Variants in CDYL observed in about 807,000 individuals in gnomAD.
CDYL encodes the protein chromodomain Y-like protein.
In CDYL, 8 loss-of-function variants were observed where a neutral mutation model predicts 47.3. The observed-to-expected ratio is 0.17, with a 90% CI of 0.10 to 0.31. CDYL has a LOEUF of 0.31. Among genes scored for constraint, CDYL ranks in the 10% least tolerant of loss-of-function variants. The pLI is 1.00. For synonymous variants in CDYL, 266 were observed against 265.0 expected (o/e 1.00, Z -0.04); for missense variants, 471 against 701.4 (o/e 0.67, Z 3.71).
chr6:4,720,425 G>A (rs1465122536), intron 2 of CDYL, among the ~76,000 whole-genome samples: 2 of 152,104 alleles, frequency 1.3e-5, no homozygotes, highest in Non-Finnish European at 2.9e-5. Context: ...AATGTTTGTT[G>A]AAATGAATTA....
At chr6:4,819,162 C>CTCTCTCTGTGTGTGTG (rs1016051589) in intron 1 of CDYL, among the ~76,000 whole-genome samples, 53 of 111,982 alleles carry the variant, frequency 4.7e-4, no homozygotes, top group African/African-American at 2.5e-3. Flanking sequence ...CTCTCTCTCT[C>CTCTCTCTGTGTGTGTG]TGTGTGTGTG....
intron 1 of CDYL, among the ~76,000 whole-genome samples, chr6:4,847,971 G>A (rs76076848): frequency 0.022 from 3,409 of 152,214 alleles, 125 homozygotes; most frequent in African/African-American, 0.077. Context: ...TTTCCTGAGG[G>A]TTTTTGCCCT....
rs1340476501 is a variant in CDYL at position 4,935,723 on chromosome 6, C to T, written c.900C>T (p.His300=). ...TCAGGAAGCAGGATGGCTTCACCCA[C>T]ATCTTGTTATCCACAAAGTCCTCAG... ...IVVRKQDGFT[H]ILLSTKSSEN... Residue 300 remains histidine, a synonymous_variant, in exon 3 of 7, where the codon CAC becomes CAT. Transcript: ENST00000397588. 6.8e-6 allele frequency: 11 copies of T among 1,614,256 alleles called. No homozygotes were observed. The highest frequency in any genetic ancestry group is 9.3e-6 in the Non-Finnish European group (11 of 1,180,038).
chr6:4,717,850 T>TC (rs398109775), intron 2 of CDYL, among the ~76,000 whole-genome samples: 1 of 150,592 alleles, frequency 6.6e-6, no homozygotes, highest in African/African-American at 2.5e-5. Flanking sequence ...TTTTTTTTTT[T>TC]CTTTTTCCTT....
At chr6:4,739,331 A>G (rs543994705) in intron 3 of CDYL, among the ~76,000 whole-genome samples, 1 of 152,074 alleles carries the variant, frequency 6.6e-6, no homozygotes, top group Admixed American at 6.5e-5. Context: ...CAGCCTGGCT[A>G]ACATGGCAAA....
chr6:4,723,665 G>C (rs1757418653), intron 2 of CDYL, among the ~76,000 whole-genome samples: 1 of 152,184 alleles, frequency 6.6e-6, no homozygotes, highest in South Asian at 2.1e-4. Context: ...ACAAGGCAGA[G>C]GAAGGGGGCT....
chr6:4,868,063 T>G (rs977870492), intron 1 of CDYL, among the ~76,000 whole-genome samples: 7 of 151,968 alleles, frequency 4.6e-5, no homozygotes, highest in African/African-American at 1.7e-4. Flanking sequence ...TTCACATAAC[T>G]TATTTTTTGG....
intron 2 of CDYL, among the ~76,000 whole-genome samples, chr6:4,897,950 G>C (rs957001143): frequency 6.6e-6 from 1 of 151,858 alleles, no homozygotes; most frequent in Non-Finnish European, 1.5e-5. Context: ...CCAGCTACTC[G>C]GGAGGCTGAG....
At chr6:4,861,210 G>A (rs545958362) in intron 1 of CDYL, among the ~76,000 whole-genome samples, 2 of 152,364 alleles carry the variant, frequency 1.3e-5, no homozygotes, top group South Asian at 4.1e-4. Context: ...CTATGTGTAT[G>A]GCGTATACGG....
chr6:4,894,332 G>A (rs557437294), intron 2 of CDYL, among the ~76,000 whole-genome samples: 2 of 152,248 alleles, frequency 1.3e-5, no homozygotes, highest in Admixed American at 6.5e-5. Context: ...GGCCAGGCAC[G>A]GTGCTGGACT....
At chr6:4,939,565 C>T (rs1758301825) in intron 4 of CDYL, among the ~76,000 whole-genome samples, 1 of 151,982 alleles carries the variant, frequency 6.6e-6, no homozygotes, top group Admixed American at 6.5e-5. Context: ...TGGTTTTTTT[C>T]AGAAGTGGTT....
At chr6:4,755,108 G>A (rs1204560631) in intron 3 of CDYL, among the ~76,000 whole-genome samples, 5 of 151,766 alleles carry the variant, frequency 3.3e-5, no homozygotes, top group Admixed American at 3.3e-4. Context: ...CACCTAGGCT[G>A]GAGTGCAATG....
intron 3 of CDYL, among the ~76,000 whole-genome samples, chr6:4,766,212 T>G (rs541958368): frequency 2.0e-5 from 3 of 152,228 alleles, no homozygotes; most frequent in African/African-American, 7.2e-5. Context: ...TTTTGTTTGT[T>G]TGTTTTTTCC....
At chr6:4,897,784 G>A (rs1222188613) in intron 2 of CDYL, among the ~76,000 whole-genome samples, 4 of 15,936 alleles carry the variant, frequency 2.5e-4, no homozygotes, top group African/African-American at 4.6e-4. Flanking sequence ...GGTTTTGAAG[G>A]TTTTTGTTTT....
chr6:4,869,353 C>A (rs779416763), intron 1 of CDYL, among the ~76,000 whole-genome samples: 1 of 152,028 alleles, frequency 6.6e-6, no homozygotes, highest in Non-Finnish European at 1.5e-5. Flanking sequence ...GCCTTGGCCT[C>A]CCAAGGCGTT....
chr6:4,871,458 CAA>C (rs1305662367), intron 1 of CDYL, among the ~76,000 whole-genome samples: 1 of 152,142 alleles, frequency 6.6e-6, no homozygotes, highest in Non-Finnish European at 1.5e-5. Flanking sequence ...TCAGCAAAAA[CAA>C]GAGGGCTGAT....
intron 2 of CDYL, among the ~76,000 whole-genome samples, chr6:4,895,626 G>A (rs554941034): frequency 6.6e-6 from 1 of 152,086 alleles, no homozygotes; most frequent in African/African-American, 2.4e-5. Flanking sequence ...AAGGTTAAGA[G>A]CTCTAGTCCT....
At chr6:4,761,114 A>G (rs1033001693) in intron 3 of CDYL, among the ~76,000 whole-genome samples, 3 of 152,194 alleles carry the variant, frequency 2.0e-5, no homozygotes, top group Admixed American at 6.5e-5. Flanking sequence ...TTTGCTCCCA[A>G]CTATTGTACA....
At chr6:4,866,336 C>T (rs1044648098) in intron 1 of CDYL, among the ~76,000 whole-genome samples, 9 of 152,006 alleles carry the variant, frequency 5.9e-5, no homozygotes, top group African/African-American at 2.2e-4. Flanking sequence ...GATACAAGTG[C>T]AAAAGTGGTT....
Sources: allele counts gnomAD v4.1 joint callset (sites outside exome capture counted in the v4.1 genomes callset), GRCh38; gene constraint gnomAD v4.1.1; transcripts MANE v1.5; gene names NCBI Gene and HGNC (gene_info 2026-07-23, HGNC 2026-07-21).